NMT1: variants seen among roughly 807,000 people sequenced by gnomAD.
The protein encoded by NMT1 is glycylpeptide N-tetradecanoyltransferase 1.
Under a neutral mutation model 63.4 loss-of-function variants are expected in NMT1, and 12 were observed. That is an observed-to-expected ratio of 0.19 (90% CI 0.12 to 0.31). The LOEUF (loss-of-function observed/expected upper bound fraction) is 0.31, where lower values mean the gene tolerates loss of function less well. Ranked by LOEUF, NMT1 falls within the 10% of genes least tolerant of loss-of-function variation. The pLI is 1.00. For missense variants in NMT1, 432 were observed against 634.6 expected (o/e 0.68, Z 3.43); for synonymous variants, 228 against 234.3 (o/e 0.97, Z 0.25).
chr17:45,075,384 C>G (rs781617226), intron 1 of NMT1, among the ~76,000 whole-genome samples: 5 of 149,922 alleles, frequency 3.3e-5, no homozygotes, highest in Non-Finnish European at 5.9e-5. Flanking sequence ...CTCAGGAGGC[C>G]GAGGTGTGAG....
At chr17:45,065,545 C>T (rs2053896504) in intron 1 of NMT1, among the ~76,000 whole-genome samples, 1 of 150,918 alleles carries the variant, frequency 6.6e-6, no homozygotes, top group Non-Finnish European at 1.5e-5. Context: ...AATGGTGTGA[C>T]CCTGTGAGGC....
Position 45,104,666 on chromosome 17 carries a change from G to T in NMT1, c.1333-193G>T. 1.4e-6 allele frequency: 2 copies of T among 1,425,982 alleles called. No individual in the cohort carries two copies. The highest frequency in any genetic ancestry group is 1.8e-6 in the Non-Finnish European group (2 of 1,092,562). The allele number at this position is 1,425,982 out of a possible 1,614,324, so 88.3% of individuals were successfully genotyped here. A position where few individuals can be genotyped will look rare whatever the true frequency, so the allele number is the denominator to read the frequency against. On this transcript the variant is annotated intron_variant, in intron 10 of 11. Transcript: ENST00000258960. The surrounding 1 kb of genome is among the most constrained non-coding windows in gnomAD (Gnocchi z 4.2). ...CTGAGGGACACTGGGCAGAGGCCAGGCTGGAGGGGGCGCTCAGAGTGTCCT... is the reference window on the plus strand; with the variant it reads ...CTGAGGGACACTGGGCAGAGGCCAGTCTGGAGGGGGCGCTCAGAGTGTCCT...
intron 8 of NMT1, 79 bp downstream of exon 8, chr17:45,099,592 C>G (rs1048289857): frequency 2.9e-6 from 3 of 1,022,366 alleles, no homozygotes; most frequent in Non-Finnish European, 4.7e-6. Flanking sequence ...GAGAAGGGCT[C>G]TGGGTGGAGA....
chr17:45,101,055 G>T (rs1311401320), intron 8 of NMT1, among the ~76,000 whole-genome samples: 1 of 149,598 alleles, frequency 6.7e-6, no homozygotes, highest in Non-Finnish European at 1.5e-5. Flanking sequence ...TTGGTGGTGG[G>T]CGCCTGTAGT....
chr17:45,104,103 T>A lies in NMT1; in HGVS notation c.1332+227T>A. On this transcript the variant is annotated intron_variant, in intron 10 of 11. Transcript: ENST00000258960. The surrounding 1 kb of genome is among the most constrained non-coding windows in gnomAD (Gnocchi z 4.2). ...TTGAACTCCTCCTGATTCATTTCAG[T>A]GAGTTTCGTTCTCACAGGAGGCGCC... 6.9e-7 allele frequency: 1 copy of A among 1,439,434 alleles called. No homozygotes were observed. Among genetic ancestry groups the A allele is most frequent in the Non-Finnish European group, 9.1e-7 (1 of 1,093,680 alleles). 89.2% of individuals were successfully genotyped at this position (1,439,434 alleles called of 1,614,324 possible).
chr17:45,083,193 C>T (rs1336304005), intron 2 of NMT1, among the ~76,000 whole-genome samples: 1 of 151,690 alleles, frequency 6.6e-6, no homozygotes, highest in Non-Finnish European at 1.5e-5. Flanking sequence ...GTGGCACGCA[C>T]CTGTAATCTC....
intron 1 of NMT1, among the ~76,000 whole-genome samples, chr17:45,074,976 G>A (rs1400932415): frequency 6.6e-6 from 1 of 152,206 alleles, no homozygotes; most frequent in Non-Finnish European, 1.5e-5. Context: ...CACTTTTGGA[G>A]GCCAAGGCAG....
chr17:45,069,510 T>C (rs1450218624), intron 1 of NMT1, among the ~76,000 whole-genome samples: 1 of 150,832 alleles, frequency 6.6e-6, no homozygotes, highest in African/African-American at 2.4e-5. Context: ...CAGGCTGGTC[T>C]TGGAACTCCT....
Position 45,098,451 on chromosome 17 carries a change from A to G in NMT1, c.783A>G (p.Pro261=). 6.2e-7 allele frequency: 1 copy of G among 1,614,186 alleles called. No homozygotes were observed. Among genetic ancestry groups the G allele is most frequent in the Non-Finnish European group, 8.5e-7 (1 of 1,180,022 alleles). ...HKKLRSKRVA[P]VLIREITRRV... is the part of the protein sequence containing the mutation. Reference sequence around the variant, plus strand: ...AGCTGCGTTCCAAGAGGGTTGCTCCAGTTCTGATCCGAGAGATCACCAGGC... The same window carrying G: ...AGCTGCGTTCCAAGAGGGTTGCTCCGGTTCTGATCCGAGAGATCACCAGGC... The change falls in exon 7 of 12, where the codon CCA becomes CCG. Residue 261 remains proline (P), a synonymous_variant. Transcript: ENST00000258960.
chr17:45,093,791 C>T lies in NMT1; in HGVS notation c.492C>T (p.Gly164=), dbSNP rs749766632. Residue 164 remains glycine, a synonymous_variant, in exon 4 of 12, where the codon GGC becomes GGT. Coordinates refer to ENST00000258960, the MANE Select transcript of NMT1 (RefSeq NM_021079.5). ...TCACCTGGGATGCTTTGGACCTGGGCGATCGTGGTGTGGTGAGTGGGCCCT... is the reference window on the plus strand; with the variant it reads ...TCACCTGGGATGCTTTGGACCTGGGTGATCGTGGTGTGGTGAGTGGGCCCT... ...QGFTWDALDL[G]DRGVLKELYT... The T allele has an allele frequency of 6.8e-6, 11 of 1,613,898 alleles. No homozygotes were observed. The highest frequency in any genetic ancestry group is 4.0e-5 in the African/African-American group (3 of 74,952).
At position 45,103,641 on chromosome 17, in the gene NMT1, C is replaced by T. The variant is rs1011135739; in HGVS notation, c.1165-68C>T. On this transcript the variant is annotated intron_variant, in intron 9 of 11. Transcript: ENST00000258960. This position sits in a 1 kb window ranked among gnomAD's most constrained non-coding sequence, Gnocchi z 4.8. Reference sequence around the variant, plus strand: ...CTGCCTGAAGGTGGAGTGAGAGAAACATTTTGTTCCCGGGCCGCAGTGCCA... The same window carrying T: ...CTGCCTGAAGGTGGAGTGAGAGAAATATTTTGTTCCCGGGCCGCAGTGCCA... 1.3e-6 allele frequency: 2 copies of T among 1,492,152 alleles called. No individual in the cohort carries two copies. The highest frequency in any genetic ancestry group is 1.8e-6 in the Non-Finnish European group (2 of 1,098,716). 92.4% of individuals were successfully genotyped at this position (1,492,152 alleles called of 1,614,324 possible). A position where few individuals can be genotyped will look rare whatever the true frequency, so the allele number is the denominator to read the frequency against.
chr17:45,084,763 C>T (rs575216640), intron 2 of NMT1, among the ~76,000 whole-genome samples: 59 of 152,032 alleles, frequency 3.9e-4, no homozygotes, highest in Non-Finnish European at 7.5e-4. Flanking sequence ...CCACCAAGCT[C>T]AGCTGAGGCT....
At chr17:45,071,701 A>C (rs945408787) in intron 1 of NMT1, among the ~76,000 whole-genome samples, 2 of 152,152 alleles carry the variant, frequency 1.3e-5, no homozygotes, top group South Asian at 4.1e-4. Flanking sequence ...AAGTAGTTAC[A>C]TTAGAGCTTT....
intron 8 of NMT1, among the ~76,000 whole-genome samples, chr17:45,100,885 A>G (rs1410630249): frequency 1.5e-5 from 2 of 132,394 alleles, no homozygotes; most frequent in African/African-American, 5.6e-5. Context: ...AAAAAAAAAA[A>G]AAAAAAAAAA....
At chr17:45,092,660 A>G (rs530722753) in intron 3 of NMT1, among the ~76,000 whole-genome samples, 1 of 151,636 alleles carries the variant, frequency 6.6e-6, no homozygotes, top group Admixed American at 6.6e-5. Flanking sequence ...CAGTGAGCCA[A>G]GATCGCACCA....
Position 45,092,917 on chromosome 17 carries a change from A to G in NMT1, c.386-768A>G, listed in dbSNP as rs570292191. Among the ~76,000 whole-genome samples, 23 of 152,278 alleles carry G rather than the reference A, an allele frequency of 1.5e-4. No homozygotes were observed. In the South Asian group the frequency reaches 4.8e-3, roughly 32 times the overall value. ...GTAAACATGAGTGAGCCCATTGTAG[A>G]ACCGAAATCATCCCAAGGGCCAGAA... On this transcript the variant is annotated intron_variant, in intron 3 of 11. Transcript: ENST00000258960.
intron 1 of NMT1, among the ~76,000 whole-genome samples, chr17:45,074,181 T>A (rs1354029405): frequency 2.6e-5 from 4 of 151,918 alleles, no homozygotes; most frequent in Non-Finnish European, 5.9e-5. Context: ...CTTACATCTT[T>A]GAACTTGTAA....
intron 1 of NMT1, among the ~76,000 whole-genome samples, chr17:45,070,695 G>A (rs1705241795): frequency 6.6e-6 from 1 of 152,144 alleles, no homozygotes; most frequent in East Asian, 1.9e-4. Flanking sequence ...GGAATTACAG[G>A]CGTGAGCCAC....
chr17:45,083,911 G>A (rs541217742), intron 2 of NMT1, among the ~76,000 whole-genome samples: 2 of 152,250 alleles, frequency 1.3e-5, no homozygotes, highest in African/African-American at 2.4e-5. Context: ...ACACATGGCC[G>A]AGAATTTATT....
Sources: gnomAD v4.1 joint callset for allele counts (sites outside exome capture counted in the v4.1 genomes callset) on GRCh38, gnomAD v4.1.1 for gene constraint, Gnocchi (gnomAD v3.1) non-coding constraint, MANE v1.5 for transcripts, NCBI Gene and HGNC (gene_info 2026-07-23, HGNC 2026-07-21) for gene names.